The following MAP2K7 variants were observed in gnomAD, a reference collection of about 807,000 sequenced individuals.
MAP2K7 encodes mitogen-activated protein kinase kinase 7.
In MAP2K7, 12 loss-of-function variants were observed where a neutral mutation model predicts 47.7. The observed-to-expected ratio is 0.25, with a 90% CI of 0.16 to 0.41. MAP2K7 has a LOEUF of 0.41. Among genes scored for constraint, MAP2K7 ranks in the 10% least tolerant of loss-of-function variants. The pLI is 1.00. For missense variants in MAP2K7, 415 were observed against 600.3 expected (o/e 0.69, Z 3.23); for synonymous variants, 299 against 243.0 (o/e 1.23, Z -2.14).
At chr19:7,908,269 C>T (rs192576980) in intron 1 of MAP2K7, among the ~76,000 whole-genome samples, 1 of 152,184 alleles carries the variant, frequency 6.6e-6, no homozygotes, top group South Asian at 2.1e-4. Flanking sequence ...CAGTCATGAA[C>T]GCTGGGCCTG....
intron 6 of MAP2K7, 29 bp downstream of exon 6, chr19:7,910,832 G>A: frequency 6.3e-7 from 1 of 1,579,066 alleles, no homozygotes; most frequent in East Asian, 2.3e-5. Flanking sequence ...CTTGCACTGG[G>A]CAGGATGACA....
chr19:7,908,180 C>A (rs945265421), intron 1 of MAP2K7, among the ~76,000 whole-genome samples: 38 of 144,590 alleles, frequency 2.6e-4, no homozygotes, highest in African/African-American at 9.6e-4. Context: ...AAAAAAAAAA[C>A]AGTGGGAGGT....
chr19:7,905,951 G>A, intron 1 of MAP2K7: 2 of 1,075,650 alleles, frequency 1.9e-6, no homozygotes, highest in South Asian at 1.2e-5. Context: ...CCCATGCTCT[G>A]TGTGTGTCCC....
In MAP2K7 at chr19:7,911,239, C is replaced by G. The variant is rs202106295; in HGVS notation, c.856-11C>G. The G allele has an allele frequency of 1.8e-5, 29 of 1,605,102 alleles. No homozygotes were observed. Among genetic ancestry groups the G allele is most frequent in the Non-Finnish European group, 2.4e-5 (28 of 1,173,428 alleles). ...GCCTTGGAGATACGTCTTCTCCTCC[C>G]CCCCCTGCAGCCCGAGCGCATTGAC... On this transcript the variant is annotated splice_polypyrimidine_tract_variant and intron_variant, in intron 7 of 10. Coordinates refer to ENST00000397979, the MANE Select transcript of MAP2K7 (RefSeq NM_145185.4).
chr19:7,906,157 CTG>C (rs1265351614), intron 1 of MAP2K7: 92 of 451,768 alleles, frequency 2.0e-4, no homozygotes, highest in East Asian at 3.0e-4. Flanking sequence ...GGGTGCACGC[CTG>C]TGTGTGTGTA....
intron 1 of MAP2K7, chr19:7,904,325 GC>G: frequency 4.6e-6 from 1 of 217,324 alleles, no homozygotes. Flanking sequence ...CTGATGACCC[GC>G]CCCCATCGCC....
intron 1 of MAP2K7, among the ~76,000 whole-genome samples, chr19:7,909,314 G>T (rs62126699): frequency 1.7e-3 from 265 of 152,366 alleles, no homozygotes; most frequent in Non-Finnish European, 3.3e-3. Flanking sequence ...AGTGCTACCA[G>T]CAGAGCCACA....
In MAP2K7 at chr19:7,909,852, G is replaced by A; in HGVS notation, c.222G>A (p.Met74Ile). 1 of 1,539,794 alleles carries A rather than the reference G, an allele frequency of 6.5e-7. No individual in the cohort carries two copies. Among genetic ancestry groups the A allele is most frequent in the Middle Eastern group, 2.0e-4 (1 of 4,916 alleles). ...HPTPPARPRH[M>I]LGLPSTLFTP... ...CGCCCCCCGCCCGGCCCCGCCACAT[G>A]CTGGGGCTCCCGTCAACCCTGTTCA... Residue 74 changes from methionine (M) to isoleucine (I), a missense_variant, in exon 2 of 11, where the codon ATG becomes ATA. Physicochemically the swap from Met to Ile is conservative, Grantham distance 10. This residue lies in a region of MAP2K7 where 115 missense variants were observed against 126.2 expected (regional missense o/e 0.91). Coordinates refer to ENST00000397979, the MANE Select transcript of MAP2K7 (RefSeq NM_145185.4).
At position 7,911,236 on chromosome 19, in the gene MAP2K7, TCCC is replaced by T. The variant is rs548806971; in HGVS notation, c.856-8_856-6del. On this transcript the variant is annotated splice_polypyrimidine_tract_variant and intron_variant, in intron 7 of 10. Transcript: ENST00000397979. ...CCAGCCTTGGAGATACGTCTTCTCCTCCCCCCCCTGCAGCCCGAGCGCATTGAC... is the reference window on the plus strand; with the variant it reads ...CCAGCCTTGGAGATACGTCTTCTCCTCCCCCTGCAGCCCGAGCGCATTGAC... The T allele has an allele frequency of 4.4e-5, 69 of 1,577,234 alleles. No individual in the cohort carries two copies. The East Asian group carries it at 6.9e-4, about 16-fold the overall frequency.
At position 7,910,607 on chromosome 19, in the gene MAP2K7, C is replaced by T. The variant is rs1006470029; in HGVS notation, c.567+35C>T. On this transcript the variant is annotated intron_variant, in intron 5 of 10. Transcript: ENST00000397979. ...TGGCCGCGCCCTGCAGCGTCTCCTC[C>T]TCCCTCACCCCTGCCCCTTCCTAGG... The T allele has an allele frequency of 3.1e-6, 5 of 1,612,630 alleles. No homozygotes were observed. The African/African-American group carries it at 4.0e-5, about 13-fold the overall frequency.
chr19:7,905,918 C>A lies in MAP2K7; in HGVS notation c.124+1850C>A. On this transcript the variant is annotated intron_variant, in intron 1 of 10. Coordinates refer to ENST00000397979, the MANE Select transcript of MAP2K7 (RefSeq NM_145185.4). ...ACCATTGACCTAACCGCTGCCCCGG[C>A]CGCAGAATGGCGTCCCCCAGCCCCC... 4 of 1,486,754 alleles carry A rather than the reference C, an allele frequency of 2.7e-6. No homozygotes were observed. In the Admixed American group the frequency reaches 5.0e-5, roughly 19 times the overall value. The allele number at this position is 1,486,754 out of a possible 1,614,324, so 92.1% of individuals were successfully genotyped here.
In MAP2K7 at chr19:7,909,815, C is replaced by T. The variant is rs775089795; in HGVS notation, c.185C>T (p.Pro62Leu). Reference sequence around the variant, plus strand: ...CGCTCGCCATCCTCAGAGAGCTCCCCGCAGCACCCCACGCCCCCCGCCCGG... The same window carrying T: ...CGCTCGCCATCCTCAGAGAGCTCCCTGCAGCACCCCACGCCCCCCGCCCGG... ...GSRSPSSESS[P>L]QHPTPPARPR... Residue 62 changes from proline to leucine, a missense_variant, in exon 2 of 11, where the codon CCG becomes CTG. Physicochemically the swap from Pro to Leu is moderately conservative, Grantham distance 98. Coordinates refer to ENST00000397979, the MANE Select transcript of MAP2K7 (RefSeq NM_145185.4). The T allele has an allele frequency of 1.4e-5, 21 of 1,542,876 alleles. 1 individual carries two copies. In the Middle Eastern group the frequency reaches 1.6e-3, roughly 116 times the overall value.
intron 9 of MAP2K7, 152 bp from the exon 10 acceptor site, chr19:7,911,997 C>T: frequency 1.4e-6 from 1 of 694,508 alleles, no homozygotes; most frequent in Non-Finnish European, 2.5e-6. Flanking sequence ...TTGCTCCCCG[C>T]TGTCAGCCGG....
Position 7,912,508 on chromosome 19 carries a change from G to A in MAP2K7, c.*77G>A. The A allele has an allele frequency of 6.7e-7, 1 of 1,500,682 alleles. No individual in the cohort carries two copies. The highest frequency in any genetic ancestry group is 8.9e-7 in the Non-Finnish European group (1 of 1,126,900). The allele number at this position is 1,500,682 out of a possible 1,614,324, so 93.0% of individuals were successfully genotyped here. On this transcript the variant is annotated 3_prime_UTR_variant, in exon 11 of 11. Transcript: ENST00000397979. ...CCCCTCCCCACTTGGCCACCCAGCTGCCTGCCAGGGGAGACCTGGGACCTG... is the reference window on the plus strand; with the variant it reads ...CCCCTCCCCACTTGGCCACCCAGCTACCTGCCAGGGGAGACCTGGGACCTG...
In MAP2K7 at chr19:7,910,726, G is replaced by C; in HGVS notation, c.598G>C (p.Gly200Arg). 1 of 1,611,478 alleles carries C rather than the reference G, an allele frequency of 6.2e-7. No individual in the cohort carries two copies. Among genetic ancestry groups the C allele is most frequent in the Non-Finnish European group, 8.5e-7 (1 of 1,179,184 alleles). Residue 200 changes from glycine (G) to arginine (R), a missense_variant, in exon 6 of 11, where the codon GGC (glycine) becomes CGC (arginine). Physicochemically the swap from Gly to Arg is moderately radical, Grantham distance 125 (BLOSUM62 -2). Coordinates refer to ENST00000397979, the MANE Select transcript of MAP2K7 (RefSeq NM_145185.4). The part of the protein sequence containing the change: ...TDVFIAMELM[G>R]TCAEKLKKRM... ...CGTCTTCATCGCCATGGAGCTCATG[G>C]GCACCTGCGCTGAGAAGCTCAAGAA...
intron 9 of MAP2K7, 123 bp downstream of exon 9, chr19:7,911,701 CT>C: frequency 9.3e-7 from 1 of 1,075,226 alleles, no homozygotes; most frequent in African/African-American, 1.6e-5. Context: ...TGTGGGCGGG[CT>C]CCTGGCTGGC....
Position 7,910,676 on chromosome 19 carries a change from G to C in MAP2K7, c.568-20G>C, listed in dbSNP as rs755679098. On this transcript the variant is annotated intron_variant, in intron 5 of 10. Transcript: ENST00000397979. ...GTGGGCCGGAAGACACAGCTCCCCCGGGTGCCCCTCTCCCTGCAGACGGAC... is the reference window on the plus strand; with the variant it reads ...GTGGGCCGGAAGACACAGCTCCCCCCGGTGCCCCTCTCCCTGCAGACGGAC... 6.2e-7 allele frequency: 1 copy of C among 1,606,430 alleles called. No homozygotes were observed. The highest frequency in any genetic ancestry group is 1.7e-5 in the Admixed American group (1 of 59,662).
Position 7,911,507 on chromosome 19 carries a change from A to G in MAP2K7, c.1008A>G (p.Leu336=), listed in dbSNP as rs567980002. Residue 336 remains leucine, a synonymous_variant, in exon 9 of 11, where the codon CTA becomes CTG. Transcript: ENST00000397979. ...KTDFEVLTKV[L]QEEPPLLPGH... ...ACTTTGAGGTCCTCACCAAAGTCCT[A>G]CAGGAAGAGCCCCCGCTTCTGCCCG... 4 of 1,612,980 alleles carry G rather than the reference A, an allele frequency of 2.5e-6. No individual in the cohort carries two copies. The highest frequency in any genetic ancestry group is 2.2e-5 in the East Asian group (1 of 44,868).
In MAP2K7 at chr19:7,910,283, C is replaced by T; in HGVS notation, c.357C>T (p.Asp119=). Residue 119 remains aspartate (D), a synonymous_variant, in exon 4 of 11, where the codon GAC becomes GAT. Transcript: ENST00000397979. ...GGQRYQAEIN[D]LENLGEMGSG... is the part of the protein sequence containing the mutation. ...AGCGCTACCAGGCAGAAATCAACGA[C>T]CTGGAGAACTTGGGCGAGATGGGCA... 2 of 1,613,302 alleles carry T rather than the reference C, an allele frequency of 1.2e-6. No individual in the cohort carries two copies. The highest frequency in any genetic ancestry group is 1.7e-6 in the Non-Finnish European group (2 of 1,179,960).
Sources: gnomAD v4.1 joint callset for allele counts (sites outside exome capture counted in the v4.1 genomes callset) on GRCh38, gnomAD v4.1.1 for gene constraint, gnomAD v4.1.1 regional missense constraint, MANE v1.5 for transcripts, NCBI Gene and HGNC (gene_info 2026-07-23, HGNC 2026-07-21) for gene names.